The following LRFN5 variants were observed in gnomAD, a reference collection of about 807,000 sequenced individuals.
The protein encoded by LRFN5 is leucine-rich repeat and fibronectin type-III domain-containing protein 5.
LRFN5 carries 24 observed loss-of-function variants against 45.6 expected under a neutral mutation model. The ratio of observed to expected loss-of-function variants is 0.53; its 90% CI spans 0.38 to 0.74. The LOEUF (loss-of-function observed/expected upper bound fraction) is 0.74. Among genes scored for constraint, LRFN5 ranks in the 30% least tolerant of loss-of-function variants. The probability of loss-of-function intolerance (pLI) is 0.00; values close to 1 mark genes in which losing one functional copy is unlikely to be tolerated. For synonymous variants in LRFN5, 340 were observed against 313.8 expected, an observed-to-expected ratio of 1.08 and a Z score of -0.88; for missense variants, 776 against 861.5, an observed-to-expected ratio of 0.90 and a Z score of 1.24.
chr14:41,705,312 A>G (rs17112198), intron 1 of LRFN5, among the ~76,000 whole-genome samples: 34,780 of 152,158 alleles, frequency 0.23, 4,153 homozygotes, highest in Non-Finnish European at 0.28. Flanking sequence ...CACAGCTGCC[A>G]GTTCTCCAAG....
intron 2 of LRFN5, among the ~76,000 whole-genome samples, chr14:41,838,913 G>A (rs1406755135): frequency 6.6e-6 from 1 of 152,102 alleles, no homozygotes; most frequent in African/African-American, 2.4e-5. Flanking sequence ...GAGAGTTAAA[G>A]GAAAGCAATT....
In LRFN5 at chr14:41,755,296, C is replaced by G. The variant is rs187403595; in HGVS notation, c.-196-11558C>G. Reference sequence around the variant, plus strand: ...TCTATTAGGTCCGCTTGGTGCAGAGCTGAGTTAAGTTCCTGGATATCCTTG... The same window carrying G: ...TCTATTAGGTCCGCTTGGTGCAGAGGTGAGTTAAGTTCCTGGATATCCTTG... On this transcript the variant is annotated intron_variant, in intron 1 of 5. Coordinates refer to ENST00000298119, the MANE Select transcript of LRFN5 (RefSeq NM_152447.5). Among the ~76,000 whole-genome samples the G allele has an allele frequency of 1.4e-3, 211 of 152,226 alleles. 1 individual carries two copies. Among genetic ancestry groups the G allele is most frequent in the Non-Finnish European group, 2.4e-4 (16 of 68,032 alleles).
At chr14:41,664,586 C>G (rs1479456710) in intron 1 of LRFN5, among the ~76,000 whole-genome samples, 3 of 151,868 alleles carry the variant, frequency 2.0e-5, no homozygotes, top group African/African-American at 7.3e-5. Context: ...TGCTTGAGGA[C>G]AGGAGCTCAA....
chr14:41,722,820 C>A (rs1306497983), intron 1 of LRFN5, among the ~76,000 whole-genome samples: 1 of 152,136 alleles, frequency 6.6e-6, no homozygotes, highest in African/African-American at 2.4e-5. Context: ...AGACAATGGG[C>A]TGATTCATGG....
intron 2 of LRFN5, among the ~76,000 whole-genome samples, chr14:41,835,846 A>G (rs1888643681): frequency 6.6e-6 from 1 of 152,172 alleles, no homozygotes; most frequent in Non-Finnish European, 1.5e-5. Context: ...ATTCTAGATG[A>G]AAGTAGTGGT....
intron 1 of LRFN5, among the ~76,000 whole-genome samples, chr14:41,718,155 T>C (rs1883566442): frequency 6.6e-6 from 1 of 152,204 alleles, no homozygotes; most frequent in African/African-American, 2.4e-5. Context: ...GCATCTTCTC[T>C]TATTAACTAA....
chr14:41,732,635 A>G (rs868023107), intron 1 of LRFN5, among the ~76,000 whole-genome samples: 1 of 152,138 alleles, frequency 6.6e-6, no homozygotes, highest in African/African-American at 2.4e-5. Flanking sequence ...TGGGAAAGGG[A>G]TAATCTAATA....
intron 1 of LRFN5, among the ~76,000 whole-genome samples, chr14:41,675,856 G>A (rs754487592): frequency 1.3e-5 from 2 of 152,032 alleles, no homozygotes; most frequent in Non-Finnish European, 2.9e-5. Flanking sequence ...ATCACCTAAA[G>A]CCTGTGAAAA....
At chr14:41,799,348 A>G (rs896077578) in intron 2 of LRFN5, among the ~76,000 whole-genome samples, 2 of 152,042 alleles carry the variant, frequency 1.3e-5, no homozygotes, top group African/African-American at 4.8e-5. Context: ...GATTGCTGCC[A>G]GGCATTGTGT....
chr14:41,881,691 T>C (rs1444978669), intron 2 of LRFN5, among the ~76,000 whole-genome samples: 1 of 152,184 alleles, frequency 6.6e-6, no homozygotes, highest in Non-Finnish European at 1.5e-5. Context: ...TTTGTTCTGT[T>C]CTTTCAGGCT....
At chr14:41,754,556 G>A (rs151247863) in intron 1 of LRFN5, among the ~76,000 whole-genome samples, 3,295 of 152,220 alleles carry the variant, frequency 0.022, 36 homozygotes, top group Non-Finnish European at 0.033. Context: ...TTTGCGTAGA[G>A]GTGTTTATAG....
chr14:41,781,871 T>C (rs1262811857), intron 2 of LRFN5, among the ~76,000 whole-genome samples: 1 of 152,120 alleles, frequency 6.6e-6, no homozygotes, highest in Non-Finnish European at 1.5e-5. Context: ...TATTCCACTT[T>C]CTTATTGTTA....
chr14:41,763,664 A>G (rs929848043), intron 1 of LRFN5, among the ~76,000 whole-genome samples: 1 of 152,156 alleles, frequency 6.6e-6, no homozygotes, highest in Non-Finnish European at 1.5e-5. Context: ...TAATGATTTT[A>G]TAAAGGGGAG....
rs902600110 is a variant in LRFN5, at chr14:41,622,097, T to G, written c.-197+13535T>G. Among the ~76,000 whole-genome samples the G allele has an allele frequency of 2.6e-5, 4 of 151,648 alleles. No individual in the cohort carries two copies. In the Admixed American group the frequency reaches 2.6e-4, roughly 10 times the overall value. On this transcript the variant is annotated intron_variant, in intron 1 of 5. Transcript: ENST00000298119. ...ATTTGATTTATTTAACACTTCCTTCTTCTTGTCCTCTCTTTCTCTTTCCAT... is the reference window on the plus strand; with the variant it reads ...ATTTGATTTATTTAACACTTCCTTCGTCTTGTCCTCTCTTTCTCTTTCCAT...
intron 1 of LRFN5, among the ~76,000 whole-genome samples, chr14:41,765,112 C>G (rs541946978): frequency 2.6e-5 from 4 of 152,018 alleles, no homozygotes; most frequent in Admixed American, 6.6e-5. Context: ...GAGGCCGAGA[C>G]GGGCGGATCA....
chr14:41,808,972 T>G (rs1324498786), intron 2 of LRFN5, among the ~76,000 whole-genome samples: 1 of 152,108 alleles, frequency 6.6e-6, no homozygotes, highest in Non-Finnish European at 1.5e-5. Context: ...AGTCCTCTAT[T>G]CATCTGGCAC....
In LRFN5 at chr14:41,611,908, C is replaced by CAATT. The variant is rs1887771830; in HGVS notation, c.-197+3348_-197+3351dup. ...GAATACCCCCACCCTATTCCCTCTTCAATTATTTTTGTCTCCTCTGTCATT... is the reference window on the plus strand; with the variant it reads ...GAATACCCCCACCCTATTCCCTCTTCAATTAATTATTTTTGTCTCCTCTGTCATT... On this transcript the variant is annotated intron_variant, in intron 1 of 5. Coordinates refer to ENST00000298119, the MANE Select transcript of LRFN5 (RefSeq NM_152447.5). Among the ~76,000 whole-genome samples the CAATT allele has an allele frequency of 2.0e-5, 3 of 152,274 alleles. No individual in the cohort carries two copies. The South Asian group carries it at 6.2e-4, about 32-fold the overall frequency.
intron 2 of LRFN5, among the ~76,000 whole-genome samples, chr14:41,828,891 G>T (rs1253595988): frequency 2.0e-5 from 3 of 151,830 alleles, no homozygotes; most frequent in South Asian, 2.1e-4. Flanking sequence ...CTTACAACAG[G>T]CATCAGATTC....
intron 2 of LRFN5, among the ~76,000 whole-genome samples, chr14:41,789,305 A>T (rs191832658): frequency 6.6e-6 from 1 of 152,110 alleles, no homozygotes; most frequent in East Asian, 1.9e-4. Context: ...TATTGGATAT[A>T]AAAAATTATG....
Sources: gnomAD v4.1 joint callset for allele counts (sites outside exome capture counted in the v4.1 genomes callset) on GRCh38, gnomAD v4.1.1 for gene constraint, MANE v1.5 for transcripts, NCBI Gene and HGNC (gene_info 2026-07-23, HGNC 2026-07-21) for gene names.